Variants in POC5 observed in about 807,000 individuals in gnomAD.
The protein encoded by POC5 is centrosomal protein POC5.
Under a neutral mutation model 62.9 loss-of-function variants are expected in POC5, and 48 were observed. The ratio of observed to expected loss-of-function variants is 0.76; its 90% CI spans 0.61 to 0.97. The LOEUF (loss-of-function observed/expected upper bound fraction) is 0.97. Among genes scored for constraint, POC5 ranks in the 50% least tolerant of loss-of-function variants. The probability of loss-of-function intolerance (pLI) is 0.00; values close to 1 mark genes in which losing one functional copy is unlikely to be tolerated. For missense variants in POC5, 696 were observed against 679.5 expected, an observed-to-expected ratio of 1.02 and a Z score of -0.27; for synonymous variants, 236 against 228.2, an observed-to-expected ratio of 1.03 and a Z score of -0.31.
At position 75,705,901 on chromosome 5, in the gene POC5, A is replaced by C. The variant is rs546528709; in HGVS notation, c.224-114T>G. 9 of 611,756 alleles carry C rather than the reference A, an allele frequency of 1.5e-5. No homozygotes were observed. In the East Asian group the frequency reaches 2.7e-4, roughly 18 times the overall value. The allele number at this position is 611,756 out of a possible 1,614,324, so 37.9% of individuals were successfully genotyped here. On this transcript the variant is annotated intron_variant, in intron 3 of 11. Coordinates refer to ENST00000428202, the MANE Select transcript of POC5 (RefSeq NM_001099271.2). ...TAATATTTTAGAACAAACAAAATAC[A>C]ACATGCTGGGGATATAGGAACACTA... is the stretch of plus-strand genomic sequence containing the variant.
chr5:75,694,557 C>A, intron 6 of POC5, 98 bp downstream of exon 6: 1 of 990,804 alleles, frequency 1.0e-6, no homozygotes, highest in Non-Finnish European at 1.4e-6. Flanking sequence ...TCTGATAGAA[C>A]CTGTATCTTG....
intron 3 of POC5, 128 bp downstream of exon 3, chr5:75,707,609 G>A (rs1027061229): frequency 1.2e-5 from 8 of 693,110 alleles, no homozygotes; most frequent in Non-Finnish European, 1.9e-5. Flanking sequence ...TCCCCTAGAT[G>A]ATACTAATAC....
intron 7 of POC5, among the ~76,000 whole-genome samples, chr5:75,691,096 C>A (rs1220090098): frequency 2.0e-5 from 3 of 152,196 alleles, no homozygotes; most frequent in Non-Finnish European, 2.9e-5. Context: ...AATTTAAATT[C>A]TTTTGAAGAA....
intron 2 of POC5, 38 bp downstream of exon 2, chr5:75,712,816 T>C (rs1361990439): frequency 1.4e-6 from 2 of 1,448,312 alleles, no homozygotes; most frequent in East Asian, 2.4e-5. Context: ...TTGTTTAAAA[T>C]AAAAAAAGTC....
At chr5:75,680,200 T>A (rs1775816452) in intron 10 of POC5, among the ~76,000 whole-genome samples, 1 of 152,162 alleles carries the variant, frequency 6.6e-6, no homozygotes, top group African/African-American at 2.4e-5. Context: ...GAATATTCTT[T>A]GCCAAAATGT....
intron 11 of POC5, among the ~76,000 whole-genome samples, chr5:75,676,429 C>A (rs972597740): frequency 2.6e-5 from 4 of 152,196 alleles, no homozygotes; most frequent in Non-Finnish European, 5.9e-5. Flanking sequence ...ATGTCTCTAT[C>A]TGGACTTGGT....
Position 75,702,812 on chromosome 5 carries a change from T to C in POC5, c.308-2A>G. 1.3e-6 allele frequency: 2 copies of C among 1,558,000 alleles called. No homozygotes were observed. Among genetic ancestry groups the C allele is most frequent in the Non-Finnish European group, 1.7e-6 (2 of 1,148,076 alleles). On this transcript the variant is annotated splice_acceptor_variant, in intron 4 of 11. Coordinates refer to ENST00000428202, the MANE Select transcript of POC5 (RefSeq NM_001099271.2). LOFTEE classifies it high-confidence loss of function. ...TTGGCGATAACACTGGTGATGACTC[T>C]GAATAAAAGAAAAGTTGTAGCTGTC... is the stretch of plus-strand genomic sequence containing the variant.
At chr5:75,697,167 C>T (rs1387765773) in intron 5 of POC5, among the ~76,000 whole-genome samples, 3 of 152,142 alleles carry the variant, frequency 2.0e-5, no homozygotes, top group Non-Finnish European at 4.4e-5. Context: ...CCTAATCTAG[C>T]AAGGCAGGCC....
chr5:75,676,579 C>CT (rs932854592), intron 11 of POC5, among the ~76,000 whole-genome samples: 14 of 151,380 alleles, frequency 9.2e-5, no homozygotes, highest in Non-Finnish European at 1.8e-4. Context: ...ATTCCATATA[C>CT]TTTTTTTTTG....
intron 9 of POC5, among the ~76,000 whole-genome samples, chr5:75,687,037 A>AT (rs34405390): frequency 0.08 from 11,716 of 146,286 alleles, 475 homozygotes; most frequent in South Asian, 0.13. Context: ...ATAAAAAACA[A>AT]TTTTTTTTTT....
chr5:75,696,773 T>C (rs1463056321), intron 5 of POC5, among the ~76,000 whole-genome samples: 1 of 152,080 alleles, frequency 6.6e-6, no homozygotes, highest in Non-Finnish European at 1.5e-5. Context: ...CGGGAGGACA[T>C]TCAAACCAAA....
At chr5:75,685,640 C>G (rs1193188542) in intron 9 of POC5, among the ~76,000 whole-genome samples, 156 bp from the exon 10 acceptor site, 1 of 152,190 alleles carries the variant, frequency 6.6e-6, no homozygotes, top group Non-Finnish European at 1.5e-5. Flanking sequence ...TACAGTTTGT[C>G]AGTATTAACT....
Position 75,694,649 on chromosome 5 carries a change from G to A in POC5, c.690+6C>T. ...CTCAGTTAAAAAGAAATATAAAAAA[G>A]AAGACCTCATCTTTTCTCCCAATGG... On this transcript the variant is annotated splice_donor_region_variant and intron_variant, in intron 6 of 11. Coordinates refer to ENST00000428202, the MANE Select transcript of POC5 (RefSeq NM_001099271.2). 1 of 1,489,256 alleles carries A rather than the reference G, an allele frequency of 6.7e-7. No individual in the cohort carries two copies. The highest frequency in any genetic ancestry group is 1.4e-5 in the South Asian group (1 of 73,042). The allele number at this position is 1,489,256 out of a possible 1,614,324, so 92.3% of individuals were successfully genotyped here.
intron 9 of POC5, among the ~76,000 whole-genome samples, chr5:75,686,053 C>A (rs1776086575): frequency 1.3e-5 from 2 of 152,122 alleles, no homozygotes; most frequent in Admixed American, 1.3e-4. Flanking sequence ...GAAATGGGTT[C>A]TTGCAGATAA....
At chr5:75,695,607 T>C (rs1038180685) in intron 5 of POC5, among the ~76,000 whole-genome samples, 1 of 152,156 alleles carries the variant, frequency 6.6e-6, no homozygotes, top group Non-Finnish European at 1.5e-5. Context: ...CTTAGTTTTC[T>C]CAAATTATAT....
chr5:75,707,529 CAAAT>C (rs1777176101), intron 3 of POC5: 1 of 437,942 alleles, frequency 2.3e-6, no homozygotes, highest in African/African-American at 2.0e-5. Flanking sequence ...AAGTAAGAGT[CAAAT>C]GAAGTTCAAA....
Position 75,689,335 on chromosome 5 carries a change from A to T in POC5, c.976-170T>A, listed in dbSNP as rs952479929. 1.1e-5 allele frequency: 11 copies of T among 984,982 alleles called. No homozygotes were observed. In the Admixed American group the frequency reaches 3.1e-4, roughly 28 times the overall value. 61.0% of individuals were successfully genotyped at this position (984,982 alleles called of 1,614,324 possible). ...TTAAAAGGTACCTCTTACCTCTATT[A>T]TCTCCATCAACAAAATGCTTTCATT... On this transcript the variant is annotated intron_variant, in intron 8 of 11. Transcript: ENST00000428202.
At chr5:75,675,361 A>G (rs1481468197) in intron 11 of POC5, among the ~76,000 whole-genome samples, 2 of 152,196 alleles carry the variant, frequency 1.3e-5, no homozygotes, top group African/African-American at 4.8e-5. Context: ...CTCAGTCCAT[A>G]TCACTGACTA....
chr5:75,692,713 G>A (rs544507258), intron 6 of POC5, among the ~76,000 whole-genome samples: 1 of 151,868 alleles, frequency 6.6e-6, no homozygotes. Flanking sequence ...AAAGAAGAAG[G>A]AAGTCTTCAT....
Sources: gnomAD v4.1 joint callset for allele counts (sites outside exome capture counted in the v4.1 genomes callset) on GRCh38, gnomAD v4.1.1 for gene constraint, MANE v1.5 for transcripts, NCBI Gene and HGNC (gene_info 2026-07-23, HGNC 2026-07-21) for gene names.